The following ADGRL2 variants were observed in gnomAD, a reference collection of about 807,000 sequenced individuals.
ADGRL2 encodes calcium-independent alpha-latrotoxin receptor 2.
In ADGRL2, 44 loss-of-function variants were observed where a neutral mutation model predicts 157.4. That is an observed-to-expected ratio of 0.28 (90% confidence interval 0.22 to 0.36). The LOEUF (loss-of-function observed/expected upper bound fraction) is 0.36, where lower values mean the gene tolerates loss of function less well. Ranked by LOEUF, ADGRL2 falls within the 10% of genes least tolerant of loss-of-function variation. The pLI is 1.00. For missense variants in ADGRL2, 1,510 were observed against 1,768.9 expected (o/e 0.85, Z 2.63); for synonymous variants, 585 against 624.7 (o/e 0.94, Z 0.95).
At chr1:81,488,371 G>A (rs1342629521) in intron 2 of ADGRL2, among the ~76,000 whole-genome samples, 2 of 152,124 alleles carry the variant, frequency 1.3e-5, no homozygotes, top group Admixed American at 1.3e-4. Flanking sequence ...GGAAAGGGAA[G>A]AATCTGGTTT....
At chr1:81,353,719 A>G (rs1663077746) in intron 1 of ADGRL2, among the ~76,000 whole-genome samples, 1 of 152,148 alleles carries the variant, frequency 6.6e-6, no homozygotes, top group Admixed American at 6.5e-5. Context: ...TAGAAAACTG[A>G]AGAGGGAGAA....
At chr1:81,914,843 A>G (rs975280963) in intron 3 of ADGRL2, among the ~76,000 whole-genome samples, 3 of 152,326 alleles carry the variant, frequency 2.0e-5, no homozygotes, top group Non-Finnish European at 2.9e-5. Context: ...TCTTATTGGT[A>G]TACCTAATTG....
intron 3 of ADGRL2, among the ~76,000 whole-genome samples, chr1:81,675,988 G>A (rs2082980309): frequency 6.6e-6 from 1 of 152,068 alleles, no homozygotes; most frequent in Non-Finnish European, 1.5e-5. Context: ...CCCATAACAA[G>A]GTTTTTTGTC....
chr1:81,539,053 A>G (rs1368976795), intron 2 of ADGRL2, among the ~76,000 whole-genome samples: 1 of 151,570 alleles, frequency 6.6e-6, no homozygotes, highest in Non-Finnish European at 1.5e-5. Context: ...TTCCCTTAAT[A>G]TACTTTTCTG....
intron 3 of ADGRL2, among the ~76,000 whole-genome samples, chr1:81,621,740 C>A (rs1415269463): frequency 6.6e-6 from 1 of 152,154 alleles, no homozygotes; most frequent in African/African-American, 2.4e-5. Context: ...CATCGGCAGA[C>A]CTGTGAGATG....
chr1:81,513,554 A>T (rs1375293782), intron 2 of ADGRL2, among the ~76,000 whole-genome samples: 1 of 152,188 alleles, frequency 6.6e-6, no homozygotes, highest in Non-Finnish European at 1.5e-5. Context: ...CATGTTTATA[A>T]AAGAGGGAAA....
chr1:81,954,534 T>G (rs1299744267), intron 10 of ADGRL2, among the ~76,000 whole-genome samples: 2 of 152,190 alleles, frequency 1.3e-5, no homozygotes, highest in Admixed American at 6.5e-5. Context: ...GATTCATTTG[T>G]AACTTAGATT....
chr1:81,549,367 T>G (rs2080090912), intron 2 of ADGRL2, among the ~76,000 whole-genome samples: 1 of 152,330 alleles, frequency 6.6e-6, no homozygotes, highest in East Asian at 1.9e-4. Context: ...ATTCTGGCTC[T>G]GCAACCACAA....
chr1:81,493,909 G>A (rs1224000391), intron 2 of ADGRL2, among the ~76,000 whole-genome samples: 1 of 152,114 alleles, frequency 6.6e-6, no homozygotes, highest in Non-Finnish European at 1.5e-5. Flanking sequence ...CGTGGGGACA[G>A]CTGTATTGTT....
intron 1 of ADGRL2, among the ~76,000 whole-genome samples, chr1:81,715,332 C>A (rs1269897680): frequency 6.6e-6 from 1 of 151,238 alleles, no homozygotes; most frequent in Admixed American, 6.6e-5. Context: ...TATATATATT[C>A]TTGAGTAAAA....
intron 3 of ADGRL2, among the ~76,000 whole-genome samples, chr1:81,655,344 GAA>G (rs775477096): frequency 6.6e-6 from 1 of 152,026 alleles, no homozygotes; most frequent in Non-Finnish European, 1.5e-5. Context: ...CCATTTTCCA[GAA>G]AAAGACACTG....
intron 2 of ADGRL2, among the ~76,000 whole-genome samples, chr1:81,483,413 AT>A (rs1404006672): frequency 6.6e-6 from 1 of 152,222 alleles, no homozygotes; most frequent in Non-Finnish European, 1.5e-5. Flanking sequence ...TTGACAAATA[AT>A]GGAATATTCC....
chr1:81,948,165 C>T lies in ADGRL2; in HGVS notation c.1211-2024C>T, dbSNP rs140758420. ...GCAGGAGGCGGAGGTTGCAGTGAGC[C>T]GAGACCACACCACTGCACTCCAGCC... On this transcript the variant is annotated intron_variant, in intron 6 of 23. Coordinates refer to ENST00000686636, the MANE Select transcript of ADGRL2 (RefSeq NM_001366006.2). Among the ~76,000 whole-genome samples the T allele has an allele frequency of 2.7e-3, 398 of 149,008 alleles. 8 individuals are homozygous for T. The East Asian group carries it at 0.035, about 13-fold the overall frequency.
At chr1:81,605,715 T>C (rs2081419199) in intron 3 of ADGRL2, among the ~76,000 whole-genome samples, 1 of 152,174 alleles carries the variant, frequency 6.6e-6, no homozygotes, top group Non-Finnish European at 1.5e-5. Flanking sequence ...ACTTAACACA[T>C]CAAAGGCTGA....
At chr1:81,755,584 G>A (rs1490261986) in intron 1 of ADGRL2, among the ~76,000 whole-genome samples, 1 of 152,054 alleles carries the variant, frequency 6.6e-6, no homozygotes, top group Non-Finnish European at 1.5e-5. Flanking sequence ...TTATTTTACT[G>A]AGAAACTGCT....
At chr1:81,442,274 A>G (rs2077521589) in intron 1 of ADGRL2, among the ~76,000 whole-genome samples, 1 of 152,296 alleles carries the variant, frequency 6.6e-6, no homozygotes, top group South Asian at 2.1e-4. Flanking sequence ...CCATTACTCA[A>G]TTACCTTTGT....
intron 3 of ADGRL2, among the ~76,000 whole-genome samples, chr1:81,930,230 G>T (rs1321887899): frequency 1.3e-5 from 2 of 152,048 alleles, no homozygotes; most frequent in Non-Finnish European, 2.9e-5. Context: ...TTAATAGTTT[G>T]TTTTCATTAA....
rs190545121 is a variant in ADGRL2, at chr1:81,316,286, T to C, written c.-302+9777T>C. ...TAATTAGTTAATTTTGTTAAACCTA[T>C]ACTGGATCAATTTTACATTATTTTA... On this transcript the variant is annotated intron_variant, in intron 1 of 24. Transcript: ENST00000370721. Among the ~76,000 whole-genome samples, 186 of 152,322 alleles carry C rather than the reference T, an allele frequency of 1.2e-3. 1 individual carries two copies. The South Asian group carries it at 0.016, about 13-fold the overall frequency.
At chr1:81,693,476 AGGTCTATGTT>A (rs1348861361) in intron 3 of ADGRL2, among the ~76,000 whole-genome samples, 2 of 152,190 alleles carry the variant, frequency 1.3e-5, no homozygotes, top group African/African-American at 2.4e-5. Context: ...TTTTTTCCCA[AGGTCTATGTT>A]GGGTGACACA....
Sources: allele counts gnomAD v4.1 joint callset (sites outside exome capture counted in the v4.1 genomes callset), GRCh38; gene constraint gnomAD v4.1.1; transcripts MANE v1.5; gene names NCBI Gene and HGNC (gene_info 2026-07-23, HGNC 2026-07-21).